The following TRAF3 variants were observed in gnomAD, a reference collection of about 807,000 sequenced individuals.
The protein encoded by TRAF3 is TNF receptor associated factor 3, also known as TNF receptor-associated factor 3.
In TRAF3, 13 loss-of-function variants were observed where a neutral mutation model predicts 62.3. That is an observed-to-expected ratio of 0.21 (90% CI 0.14 to 0.33). The LOEUF is 0.33. Ranked by LOEUF, TRAF3 falls within the 10% of genes least tolerant of loss-of-function variation. The pLI is 1.00. For synonymous variants in TRAF3, 269 were observed against 283.4 expected (o/e 0.95, Z 0.51); for missense variants, 440 against 741.8 (o/e 0.59, Z 4.73).
intron 6 of TRAF3, among the ~76,000 whole-genome samples, chr14:102,879,133 A>G (rs1006140688): frequency 6.6e-6 from 1 of 151,972 alleles, no homozygotes; most frequent in Non-Finnish European, 1.5e-5. Flanking sequence ...AGAGGAGGAC[A>G]GAGCTCGTGG....
intron 1 of TRAF3, among the ~76,000 whole-genome samples, chr14:102,815,800 G>A (rs1408400467): frequency 3.3e-5 from 5 of 152,170 alleles, no homozygotes; most frequent in Admixed American, 2.0e-4. Flanking sequence ...TTACATGGCA[G>A]CAGGCAAGAA....
chr14:102,820,615 T>TA (rs1276138493), intron 1 of TRAF3, among the ~76,000 whole-genome samples: 20 of 15,816 alleles, frequency 1.3e-3, no homozygotes, highest in African/African-American at 5.0e-3. Flanking sequence ...TATATATATA[T>TA]TTTTTTTTTT....
intron 6 of TRAF3, among the ~76,000 whole-genome samples, chr14:102,885,244 G>A (rs558837673): frequency 2.0e-5 from 3 of 152,304 alleles, no homozygotes; most frequent in African/African-American, 4.8e-5. Flanking sequence ...CCTCAGACCC[G>A]CCAGTCAGAC....
In TRAF3 at chr14:102,886,239, G is replaced by A. The variant is rs770725752; in HGVS notation, c.621G>A (p.Lys207=). ...CPCVVVSCPH[K]CSVQTLLRSE... ...GCGTGGTGGTGTCCTGCCCTCACAA[G>A]TGCAGCGTCCAGACTCTCCTGAGGA... The change falls in exon 7 of 12, where the codon AAG becomes AAA. Residue 207 remains lysine (K), a synonymous_variant. Transcript: ENST00000392745. 40 of 1,612,540 alleles carry A rather than the reference G, an allele frequency of 2.5e-5. No individual in the cohort carries two copies. The East Asian group carries it at 2.7e-4, about 11-fold the overall frequency.
intron 2 of TRAF3, among the ~76,000 whole-genome samples, chr14:102,861,770 G>A (rs1595370812): frequency 6.6e-6 from 1 of 152,198 alleles, no homozygotes; most frequent in South Asian, 2.1e-4. Context: ...AATAGGCAGA[G>A]CAGCCGATTT....
At chr14:102,895,399 G>A (rs11160706) in intron 9 of TRAF3, among the ~76,000 whole-genome samples, 60,435 of 152,176 alleles carry the variant, frequency 0.4, 16,087 homozygotes, top group African/African-American at 0.75. Flanking sequence ...CAACTGTGCC[G>A]AATATGAAAA....
At chr14:102,889,070 A>G (rs1325758977) in intron 7 of TRAF3, among the ~76,000 whole-genome samples, 2 of 152,230 alleles carry the variant, frequency 1.3e-5, no homozygotes, top group Non-Finnish European at 2.9e-5. Flanking sequence ...GGAAAAACTC[A>G]TCTGCACTTA....
chr14:102,861,552 G>A (rs1297823736), intron 2 of TRAF3, among the ~76,000 whole-genome samples: 5 of 152,196 alleles, frequency 3.3e-5, no homozygotes, highest in African/African-American at 4.8e-5. Flanking sequence ...ACCCAAGGTC[G>A]GCCAATCAGT....
rs1459516908 is a variant in TRAF3, at chr14:102,911,234, A to G, written c.*5450A>G. On this transcript the variant is annotated 3_prime_UTR_variant, in exon 12 of 12. Coordinates refer to ENST00000392745, the MANE Select transcript of TRAF3 (RefSeq NM_145725.3). Reference sequence around the variant, plus strand: ...TTTTCCGCTCTTCTAAGAAAAAACAAAAAGACCGTGAGTTATTGCCCAGCA... The same window carrying G: ...TTTTCCGCTCTTCTAAGAAAAAACAGAAAGACCGTGAGTTATTGCCCAGCA... 1 of 152,240 alleles carries G rather than the reference A, an allele frequency of 6.6e-6. No individual in the cohort carries two copies. Among genetic ancestry groups the G allele is most frequent in the Non-Finnish European group, 1.5e-5 (1 of 68,040 alleles). 9.4% of individuals were successfully genotyped at this position (152,240 alleles called of 1,614,324 possible).
At chr14:102,862,625 C>T (rs1315352639) in intron 2 of TRAF3, among the ~76,000 whole-genome samples, 1 of 152,090 alleles carries the variant, frequency 6.6e-6, no homozygotes, top group African/African-American at 2.4e-5. Context: ...GTTTGTCGAG[C>T]TTCCTGGTTA....
At chr14:102,829,417 T>C (rs1451941117) in intron 1 of TRAF3, among the ~76,000 whole-genome samples, 1 of 152,228 alleles carries the variant, frequency 6.6e-6, no homozygotes, top group African/African-American at 2.4e-5. Flanking sequence ...CTTGGTCTCT[T>C]GGTTCCTGGC....
chr14:102,816,159 G>A (rs1346689015), intron 1 of TRAF3, among the ~76,000 whole-genome samples: 3 of 151,618 alleles, frequency 2.0e-5, no homozygotes, highest in Non-Finnish European at 4.4e-5. Context: ...CAGGAGTGTA[G>A]TGATGCCATC....
intron 1 of TRAF3, among the ~76,000 whole-genome samples, chr14:102,787,733 CA>C (rs1897577793): frequency 6.6e-6 from 1 of 151,544 alleles, no homozygotes; most frequent in Non-Finnish European, 1.5e-5. Context: ...GGCCTCTGTT[CA>C]CATTTTACCT....
chr14:102,891,444 T>A, intron 9 of TRAF3, 27 bp downstream of exon 9: 1 of 1,594,322 alleles, frequency 6.3e-7, no homozygotes, highest in Non-Finnish European at 8.5e-7. Flanking sequence ...CCTGCTGCTA[T>A]GGGATTTGTA....
chr14:102,855,735 G>A (rs2139754182), intron 2 of TRAF3, among the ~76,000 whole-genome samples: 1 of 151,282 alleles, frequency 6.6e-6, no homozygotes, highest in Non-Finnish European at 1.5e-5. Context: ...GATGGAGGTT[G>A]CAGTGAGCCA....
chr14:102,843,158 G>A (rs1035040904), intron 2 of TRAF3, among the ~76,000 whole-genome samples: 2 of 151,200 alleles, frequency 1.3e-5, no homozygotes, highest in African/African-American at 2.4e-5. Flanking sequence ...AGCCGAGATC[G>A]TGCCACTGCA....
At position 102,907,503 on chromosome 14, in the gene TRAF3, C is replaced by T. The variant is rs1009984065; in HGVS notation, c.*1719C>T. 3.3e-5 allele frequency: 5 copies of T among 152,318 alleles called. No homozygotes were observed. The highest frequency in any genetic ancestry group is 6.5e-5 in the Admixed American group (1 of 15,284). 9.4% of individuals were successfully genotyped at this position (152,318 alleles called of 1,614,324 possible). The stretch of plus-strand genomic sequence containing the variant: ...TCTTACCACTGATGGGTGCTACACG[C>T]GACGGGTGCTTCTTAGGCAAAACCA... On this transcript the variant is annotated 3_prime_UTR_variant, in exon 12 of 12. Transcript: ENST00000392745.
In TRAF3 at chr14:102,826,804, G is replaced by A. The variant is rs1380197601; in HGVS notation, c.-156-3530G>A. 6.6e-6 allele frequency among the ~76,000 whole-genome samples: 1 copy of A among 152,172 alleles called. No homozygotes were observed. Among genetic ancestry groups the A allele is most frequent in the African/African-American group, 2.4e-5 (1 of 41,448 alleles). ...GCGTGGACTGTCACCTCTGTCAGGGGTGCCAGGGCTGCCAAAGGACAGCTG... is the reference window on the plus strand; with the variant it reads ...GCGTGGACTGTCACCTCTGTCAGGGATGCCAGGGCTGCCAAAGGACAGCTG... On this transcript the variant is annotated intron_variant, in intron 1 of 11. Coordinates refer to ENST00000392745, the MANE Select transcript of TRAF3 (RefSeq NM_145725.3). This position sits in a 1 kb window ranked among gnomAD's most constrained non-coding sequence, Gnocchi z 4.6.
intron 2 of TRAF3, among the ~76,000 whole-genome samples, chr14:102,856,061 CA>C (rs1887346530): frequency 7.2e-6 from 1 of 138,506 alleles, no homozygotes. Flanking sequence ...CACTGCACTC[CA>C]TCCAGCCTGG....
Sources: allele counts gnomAD v4.1 joint callset (sites outside exome capture counted in the v4.1 genomes callset), GRCh38; gene constraint gnomAD v4.1.1; non-coding constraint Gnocchi (gnomAD v3.1); transcripts MANE v1.5; gene names NCBI Gene and HGNC (gene_info 2026-07-23, HGNC 2026-07-21).